Variants in SKP1 observed in about 807,000 individuals in gnomAD.
The protein encoded by SKP1 is S-phase kinase associated protein 1, also known as S-phase kinase-associated protein 1.
Under a neutral mutation model 21.5 loss-of-function variants are expected in SKP1, and 1 was observed. That is an observed-to-expected ratio of 0.05 (90% confidence interval 0.02 to 0.22). The LOEUF is 0.22. SKP1 is among the 10% of genes least tolerant of loss of function. SKP1 has a pLI of 1.00. For synonymous variants in SKP1, 59 were observed against 59.3 expected (o/e 0.99, Z 0.03); for missense variants, 70 against 192.0 (o/e 0.36, Z 3.76).
chr5:134,151,490 A>G lies in SKP1; in HGVS notation c.*6243T>C. Reference sequence around the variant, plus strand: ...TGTGAAATGGTACATTCAGGAAAGAAAGGACAAATAAGAATTTTCACCAGA... The same window carrying G: ...TGTGAAATGGTACATTCAGGAAAGAGAGGACAAATAAGAATTTTCACCAGA... On this transcript the variant is annotated 3_prime_UTR_variant, in exon 6 of 6. Transcript: ENST00000353411. The G allele has an allele frequency of 3.1e-6, 1 of 325,800 alleles. No individual in the cohort carries two copies. The highest frequency in any genetic ancestry group is 2.4e-5 in the South Asian group (1 of 41,396). 20.2% of individuals were successfully genotyped at this position (325,800 alleles called of 1,614,324 possible). A position where few individuals can be genotyped will look rare whatever the true frequency, so the allele number is the denominator to read the frequency against.
intron 4 of SKP1, among the ~76,000 whole-genome samples, chr5:134,158,977 G>A (rs1761169081): frequency 6.6e-6 from 1 of 152,122 alleles, no homozygotes; most frequent in Admixed American, 6.5e-5. Flanking sequence ...TAAAAAACAG[G>A]TTTTGGTTTC....
chr5:134,155,071 C>G lies in SKP1; in HGVS notation c.*2662G>C, dbSNP rs939098640. 6.6e-6 allele frequency: 1 copy of G among 152,184 alleles called. No homozygotes were observed. Among genetic ancestry groups the G allele is most frequent in the Non-Finnish European group, 1.5e-5 (1 of 68,044 alleles). The allele number at this position is 152,184 out of a possible 1,614,324, so 9.4% of individuals were successfully genotyped here. ...AGTGACTTCCAATGAAGTTCTGGAACTAATATAAAGCAGACTGCACTAGAT... is the reference window on the plus strand; with the variant it reads ...AGTGACTTCCAATGAAGTTCTGGAAGTAATATAAAGCAGACTGCACTAGAT... On this transcript the variant is annotated 3_prime_UTR_variant, in exon 6 of 6. Transcript: ENST00000353411.
At chr5:134,166,363 A>G (rs185912282) in intron 3 of SKP1, among the ~76,000 whole-genome samples, 470 of 151,830 alleles carry the variant, frequency 3.1e-3, no homozygotes, top group African/African-American at 0.011. Context: ...TGGGCAGATC[A>G]TGAGGTCAAG....
At chr5:134,160,257 T>C (rs548750061) in intron 4 of SKP1, among the ~76,000 whole-genome samples, 43 of 152,024 alleles carry the variant, frequency 2.8e-4, no homozygotes, top group South Asian at 1.0e-3. Context: ...CTCAGGAGGC[T>C]GAGGCAGGAG....
intron 4 of SKP1, among the ~76,000 whole-genome samples, chr5:134,159,421 C>T (rs1761178707): frequency 6.6e-6 from 1 of 152,172 alleles, no homozygotes; most frequent in Non-Finnish European, 1.5e-5. Flanking sequence ...CACTCTGTCA[C>T]CCAGGCTGGA....
intron 3 of SKP1, among the ~76,000 whole-genome samples, chr5:134,162,667 G>C (rs887682541): frequency 1.3e-5 from 2 of 152,108 alleles, no homozygotes; most frequent in Non-Finnish European, 2.9e-5. Context: ...GATTACAGGC[G>C]TGAGCCACTG....
chr5:134,173,694 A>C, intron 2 of SKP1: 1 of 607,894 alleles, frequency 1.6e-6, no homozygotes, highest in South Asian at 1.5e-5. Flanking sequence ...TTCAATGTTT[A>C]TTTTACCTTA....
In SKP1 at chr5:134,149,040, A is replaced by G. The variant is rs943420173; in HGVS notation, c.*8693T>C. On this transcript the variant is annotated 3_prime_UTR_variant, in exon 6 of 6. Coordinates refer to ENST00000353411, the MANE Select transcript of SKP1 (RefSeq NM_170679.3). ...GCTGTGTTACATGAATATATTGTGT[A>G]GCGGTGAGGTCCGGGCTATTTTTAG... The G allele has an allele frequency of 2.6e-5, 4 of 152,244 alleles. No individual in the cohort carries two copies. The highest frequency in any genetic ancestry group is 9.6e-5 in the African/African-American group (4 of 41,458). The allele number at this position is 152,244 out of a possible 1,614,324, so 9.4% of individuals were successfully genotyped here.
At chr5:134,170,475 T>C (rs1272921132) in intron 2 of SKP1, among the ~76,000 whole-genome samples, 5 of 152,202 alleles carry the variant, frequency 3.3e-5, no homozygotes, top group African/African-American at 9.6e-5. Flanking sequence ...TCAATCCACA[T>C]GTAAATGTGC....
At chr5:134,175,933 GAA>G (rs3216499) in intron 1 of SKP1, among the ~76,000 whole-genome samples, 2 of 151,894 alleles carry the variant, frequency 1.3e-5, no homozygotes, top group East Asian at 1.9e-4. Flanking sequence ...ACATCATATA[GAA>G]AAAAAAACCC....
Position 134,150,076 on chromosome 5 carries a change from T to C in SKP1, c.*7657A>G, listed in dbSNP as rs1286969107. 6.6e-6 allele frequency: 1 copy of C among 152,194 alleles called. No homozygotes were observed. The highest frequency in any genetic ancestry group is 1.5e-5 in the Non-Finnish European group (1 of 68,060). The allele number at this position is 152,194 out of a possible 1,614,324, so 9.4% of individuals were successfully genotyped here. On this transcript the variant is annotated 3_prime_UTR_variant, in exon 6 of 6. Coordinates refer to ENST00000353411, the MANE Select transcript of SKP1 (RefSeq NM_170679.3). The stretch of plus-strand genomic sequence containing the variant: ...GAACATTTCCAGACAACTAGCAGAC[T>C]GGCAACTTGGGTGAAAGACGTTCAT...
rs1166383362 is a variant in SKP1, at chr5:134,176,946, A to G, written c.-92T>C. The G allele has an allele frequency of 6.6e-6, 1 of 152,406 alleles. No individual in the cohort carries two copies. The highest frequency in any genetic ancestry group is 1.5e-5 in the Non-Finnish European group (1 of 68,140). 9.4% of individuals were successfully genotyped at this position (152,406 alleles called of 1,614,324 possible). On this transcript the variant is annotated 5_prime_UTR_variant, in exon 1 of 6. Coordinates refer to ENST00000353411, the MANE Select transcript of SKP1 (RefSeq NM_170679.3). ...GAGAAAAACCGAAGACGAAGCCACT[A>G]CAGCGTCGCAGCGCGGCGCGGCGTC... is the stretch of plus-strand genomic sequence containing the variant.
Position 134,153,631 on chromosome 5 carries a change from G to A in SKP1, c.*4102C>T, listed in dbSNP as rs1580922348. On this transcript the variant is annotated 3_prime_UTR_variant, in exon 6 of 6. Transcript: ENST00000353411. ...TTGTAAAGGGTGCTGAGAGCAAGAG[G>A]TCTGCTGCTCTCTCAATTTTCTCTT... 6.6e-6 allele frequency: 1 copy of A among 152,310 alleles called. No individual in the cohort carries two copies. Among genetic ancestry groups the A allele is most frequent in the East Asian group, 1.9e-4 (1 of 5,186 alleles). The allele number at this position is 152,310 out of a possible 1,614,324, so 9.4% of individuals were successfully genotyped here.
At position 134,151,574 on chromosome 5, in the gene SKP1, C is replaced by T; in HGVS notation, c.*6159G>A. On this transcript the variant is annotated 3_prime_UTR_variant, in exon 6 of 6. Transcript: ENST00000353411. ...AGGAAATAAGCTGATCCTCAGTGTG[C>T]AATAAGAGGCTGCTATATAGCAGGT... The T allele has an allele frequency of 2.4e-6, 1 of 422,456 alleles. No individual in the cohort carries two copies. Among genetic ancestry groups the T allele is most frequent in the Non-Finnish European group, 4.8e-6 (1 of 207,150 alleles). The allele number at this position is 422,456 out of a possible 1,614,324, so 26.2% of individuals were successfully genotyped here. A position where few individuals can be genotyped will look rare whatever the true frequency, so the allele number is the denominator to read the frequency against.
chr5:134,168,792 T>C (rs1024506705), intron 2 of SKP1, among the ~76,000 whole-genome samples: 3 of 151,968 alleles, frequency 2.0e-5, no homozygotes, highest in East Asian at 1.9e-4. Flanking sequence ...TTGCCACCAA[T>C]TGGTAAGGGG....
chr5:134,167,625 C>A (rs964372725), intron 2 of SKP1, among the ~76,000 whole-genome samples: 15 of 151,946 alleles, frequency 9.9e-5, no homozygotes, highest in Admixed American at 9.8e-4. Flanking sequence ...CGGGTTCACA[C>A]CATTCTCCTG....
rs1016481452 is a variant in SKP1 at position 134,157,196 on chromosome 5, A to T, written c.*537T>A. 6.5e-6 allele frequency: 1 copy of T among 152,836 alleles called. No homozygotes were observed. The highest frequency in any genetic ancestry group is 6.5e-5 in the Admixed American group (1 of 15,288). The allele number at this position is 152,836 out of a possible 1,614,324, so 9.5% of individuals were successfully genotyped here. On this transcript the variant is annotated 3_prime_UTR_variant, in exon 6 of 6. Coordinates refer to ENST00000353411, the MANE Select transcript of SKP1 (RefSeq NM_170679.3). ...GAAAACAAGTCCTCAGATGCAATGA[A>T]GGGAGCCCTGCTACATACAGGCTAA...
chr5:134,160,289 G>A (rs1159538082), intron 4 of SKP1, among the ~76,000 whole-genome samples: 2 of 151,922 alleles, frequency 1.3e-5, no homozygotes, highest in Admixed American at 6.6e-5. Context: ...CCTGGGAGGT[G>A]GAGGTTGCAG....
chr5:134,156,833 G>A lies in SKP1; in HGVS notation c.*900C>T, dbSNP rs1290646527. ...ATATACACATTCAACCCATTTAAGT[G>A]AAGAGACACATTTAAGTCCACAAAA... On this transcript the variant is annotated 3_prime_UTR_variant, in exon 6 of 6. Transcript: ENST00000353411. The A allele has an allele frequency of 2.0e-5, 3 of 152,636 alleles. No homozygotes were observed. The allele number at this position is 152,636 out of a possible 1,614,324, so 9.5% of individuals were successfully genotyped here.
Sources: allele counts gnomAD v4.1 joint callset (sites outside exome capture counted in the v4.1 genomes callset), GRCh38; gene constraint gnomAD v4.1.1; transcripts MANE v1.5; gene names NCBI Gene and HGNC (gene_info 2026-07-23, HGNC 2026-07-21).